SUGP1: variants seen among roughly 807,000 people sequenced by gnomAD.
SUGP1 encodes SURP and G-patch domain-containing protein 1.
In SUGP1, 34 loss-of-function variants were observed where a neutral mutation model predicts 76.5. That is an observed-to-expected ratio of 0.44 (90% CI 0.34 to 0.59). SUGP1 has a LOEUF of 0.59. Among genes scored for constraint, SUGP1 ranks in the 20% least tolerant of loss-of-function variants. The pLI, the probability that SUGP1 is intolerant of heterozygous loss-of-function variation, is 0.01. For missense variants in SUGP1, 752 were observed against 851.7 expected (o/e 0.88, Z 1.46); for synonymous variants, 326 against 326.2 (o/e 1.00, Z 0.01).
intron 8 of SUGP1, among the ~76,000 whole-genome samples, chr19:19,285,808 G>A (rs1366333836): frequency 1.3e-5 from 2 of 151,734 alleles, no homozygotes; most frequent in Non-Finnish European, 2.9e-5. Context: ...CAAGCGATCC[G>A]CCCACCTCGG....
intron 1 of SUGP1, among the ~76,000 whole-genome samples, chr19:19,318,714 A>C (rs1177278335): frequency 6.6e-6 from 1 of 152,148 alleles, no homozygotes; most frequent in Non-Finnish European, 1.5e-5. Flanking sequence ...TTAGGCATGG[A>C]TCACCACACC....
intron 8 of SUGP1, 109 bp from the exon 9 acceptor site, chr19:19,280,400 C>T (rs2061089063): frequency 6.2e-6 from 6 of 962,540 alleles, no homozygotes; most frequent in Middle Eastern, 2.2e-4. Context: ...TCCAGGCACA[C>T]GGGGACCTCA....
intron 8 of SUGP1, among the ~76,000 whole-genome samples, chr19:19,292,770 A>G (rs892049214): frequency 2.0e-5 from 3 of 152,236 alleles, no homozygotes; most frequent in Non-Finnish European, 4.4e-5. Flanking sequence ...TCAGCAGCTT[A>G]TGAAAGGATT....
chr19:19,309,321 C>CA (rs1374901600), intron 3 of SUGP1, among the ~76,000 whole-genome samples: 2 of 151,936 alleles, frequency 1.3e-5, no homozygotes, highest in Non-Finnish European at 2.9e-5. Context: ...CACAACTCTA[C>CA]AAAAAATAAA....
intron 8 of SUGP1, among the ~76,000 whole-genome samples, chr19:19,284,384 T>C (rs1482800854): frequency 2.6e-5 from 4 of 152,100 alleles, no homozygotes; most frequent in South Asian, 4.1e-4. Context: ...TTGTTTGATA[T>C]GTGCCATAGA....
In SUGP1 at chr19:19,277,009, C is replaced by T. The variant is rs767385847; in HGVS notation, c.1849G>A (p.Asp617Asn). The T allele has an allele frequency of 7.4e-6, 12 of 1,612,888 alleles. No individual in the cohort carries two copies. In the South Asian group the frequency reaches 7.7e-5, roughly 10 times the overall value. The change falls in exon 13 of 14, where the codon GAC becomes AAC. Residue 617 changes from aspartate to asparagine, a missense_variant. Coordinates refer to ENST00000247001, the MANE Select transcript of SUGP1 (RefSeq NM_172231.4). The part of the protein sequence containing the change: ...DRPAELSKED[D>N]EYEAFRKRMM... ...CTCTTGCGGAACGCCTCATACTCGT[C>T]GTCCTCCTTGGAGAGCTCCGCCGGC...
At chr19:19,280,044 C>A in intron 9 of SUGP1, 141 bp downstream of exon 9, 1 of 777,470 alleles carries the variant, frequency 1.3e-6, no homozygotes, top group East Asian at 2.7e-5. Context: ...GCCTGGAAGC[C>A]TCCCCGCTGG....
At chr19:19,293,037 G>A (rs1393476129) in intron 8 of SUGP1, among the ~76,000 whole-genome samples, 1 of 151,852 alleles carries the variant, frequency 6.6e-6, no homozygotes, top group Admixed American at 6.6e-5. Flanking sequence ...CTCCCAAGTA[G>A]CTGGGATTAC....
chr19:19,297,436 C>T (rs2061236708), intron 7 of SUGP1, 92 bp from the exon 8 acceptor site: 6 of 791,820 alleles, frequency 7.6e-6, no homozygotes, highest in Middle Eastern at 3.6e-4. Flanking sequence ...TGTGTGCCCA[C>T]GTTGGCCAGG....
intron 4 of SUGP1, among the ~76,000 whole-genome samples, chr19:19,304,444 A>G (rs945879618): frequency 4.6e-5 from 7 of 152,146 alleles, no homozygotes; most frequent in Non-Finnish European, 1.0e-4. Flanking sequence ...AGAGCCAGCC[A>G]CTTCTCCAAG....
chr19:19,317,240 A>G (rs923098982), intron 1 of SUGP1, among the ~76,000 whole-genome samples: 4 of 152,210 alleles, frequency 2.6e-5, no homozygotes, highest in African/African-American at 9.6e-5. Context: ...TAGGACAGGC[A>G]GAAAATAAAC....
At chr19:19,291,251 GGAGAT>G (rs1432374758) in intron 8 of SUGP1, among the ~76,000 whole-genome samples, 4 of 152,126 alleles carry the variant, frequency 2.6e-5, no homozygotes, top group Non-Finnish European at 5.9e-5. Flanking sequence ...AGTTTAGAGT[GGAGAT>G]AAGAAAATGA....
intron 2 of SUGP1, 137 bp downstream of exon 2, chr19:19,316,285 C>T: frequency 9.0e-7 from 1 of 1,109,576 alleles, no homozygotes; most frequent in Non-Finnish European, 1.3e-6. Context: ...CTCCCAAGGG[C>T]ATCTGGGTCA....
At chr19:19,308,869 A>AT (rs34260128) in intron 3 of SUGP1, among the ~76,000 whole-genome samples, 65 of 147,536 alleles carry the variant, frequency 4.4e-4, no homozygotes, top group East Asian at 2.0e-3. Context: ...CCCCTTGGTA[A>AT]TTTTTTTTTT....
rs200705809 is a variant in SUGP1, at chr19:19,280,338, C to T, written c.1244-47G>A. ...TAGTCAGAGCCTGACAGGTGCACCC[C>T]GATCTCGCTCCTGCGCTGGGGTGTG... On this transcript the variant is annotated intron_variant, in intron 8 of 13. Coordinates refer to ENST00000247001, the MANE Select transcript of SUGP1 (RefSeq NM_172231.4). The T allele has an allele frequency of 1.1e-5, 17 of 1,542,734 alleles. No individual in the cohort carries two copies. In the East Asian group the frequency reaches 1.6e-4, roughly 14 times the overall value.
Position 19,276,671 on chromosome 19 carries a change from T to C in SUGP1, c.1915A>G (p.Asn639Asp). ...ACTCAGTAGTAAGGCCGTCTGGGAT[T>C]GTTCTGTGGAAGGCAAAACAGATAA... ...AYRFRPNPLN[N>D]PRRPYY The change falls in exon 14 of 14, where the codon AAT becomes GAT. Residue 639 changes from asparagine to aspartate, a missense_variant. Asn to Asp is a conservative substitution (Grantham distance 23, BLOSUM62 1). Around this residue, in one of 2 missense-constraint regions of SUGP1, gnomAD observed 132 missense variants for 234.4 expected, o/e 0.56. Transcript: ENST00000247001. 6.2e-7 allele frequency: 1 copy of C among 1,614,124 alleles called. No individual in the cohort carries two copies. The highest frequency in any genetic ancestry group is 8.5e-7 in the Non-Finnish European group (1 of 1,180,026).
At chr19:19,277,107 C>T in intron 12 of SUGP1, 31 bp from the exon 13 acceptor site, 2 of 1,594,378 alleles carry the variant, frequency 1.3e-6, no homozygotes, top group Non-Finnish European at 1.7e-6. Flanking sequence ...GAGCAGGGAC[C>T]TGGGGCCAGA....
intron 2 of SUGP1, among the ~76,000 whole-genome samples, chr19:19,314,983 G>A (rs1244802127): frequency 6.6e-6 from 1 of 151,398 alleles, no homozygotes; most frequent in Non-Finnish European, 1.5e-5. Context: ...GTGGTGAGCT[G>A]AGATCGTGCC....
Position 19,276,385 on chromosome 19 carries a change from C to CT in SUGP1, c.*262dup. The CT allele has an allele frequency of 2.2e-6, 1 of 458,722 alleles. No individual in the cohort carries two copies. Among genetic ancestry groups the CT allele is most frequent in the Middle Eastern group, 6.1e-4 (1 of 1,630 alleles). 28.4% of individuals were successfully genotyped at this position (458,722 alleles called of 1,614,324 possible). A position where few individuals can be genotyped will look rare whatever the true frequency, so the allele number is the denominator to read the frequency against. ...TACTATGCTGAAAACAACTTTCTTC[C>CT]TCCCCTCCAGTGCAACCCAGGCTGA... is the stretch of plus-strand genomic sequence containing the variant. On this transcript the variant is annotated 3_prime_UTR_variant, in exon 14 of 14. Coordinates refer to ENST00000247001, the MANE Select transcript of SUGP1 (RefSeq NM_172231.4).
Sources: allele counts gnomAD v4.1 joint callset (sites outside exome capture counted in the v4.1 genomes callset), GRCh38; gene constraint gnomAD v4.1.1; regional missense constraint gnomAD v4.1.1; transcripts MANE v1.5; gene names NCBI Gene and HGNC (gene_info 2026-07-23, HGNC 2026-07-21).